Variants in MAFF observed in about 807,000 individuals in gnomAD.
MAFF encodes MAF bZIP transcription factor F.
In MAFF, 4 loss-of-function variants were observed where a neutral mutation model predicts 2.7. The ratio of observed to expected loss-of-function variants is 1.48; its 90% CI spans 0.73 to 3.39. MAFF has a LOEUF of 3.39. MAFF is among the 30% of genes most tolerant of loss of function. The pLI, the probability that MAFF is intolerant of heterozygous loss-of-function variation, is 0.01. For synonymous variants in MAFF, 113 were observed against 119.4 expected (o/e 0.95, Z 0.35); for missense variants, 190 against 246.6 (o/e 0.77, Z 1.54).
At chr22:38,203,324 C>T (rs2091028687) in intron 1 of MAFF, 2 of 152,498 alleles carry the variant, frequency 1.3e-5, no homozygotes, top group South Asian at 4.1e-4. Flanking sequence ...CCGGTTTCCG[C>T]TCTCCTGGTA....
chr22:38,210,519 T>C (rs2091090333), intron 1 of MAFF, among the ~76,000 whole-genome samples: 2 of 152,106 alleles, frequency 1.3e-5, no homozygotes, highest in African/African-American at 4.8e-5. Context: ...GCTGGCATTC[T>C]AATCGGGGGG....
chr22:38,214,724 T>C lies in MAFF; in HGVS notation c.341T>C (p.Leu114Pro). The C allele has an allele frequency of 6.7e-7, 1 of 1,497,626 alleles. No individual in the cohort carries two copies. The highest frequency in any genetic ancestry group is 8.9e-7 in the Non-Finnish European group (1 of 1,129,842). 92.8% of individuals were successfully genotyped at this position (1,497,626 alleles called of 1,614,324 possible). ...GCGCTGCGCGGCAAGTGCGAGGCGC[T>C]GCAGGGCTTCGCGCGCTCCGTGGCC... ...LDALRGKCEA[L>P]QGFARSVAAA... The change falls in exon 3 of 3, where the codon CTG becomes CCG. Residue 114 changes from leucine to proline, a missense_variant. Coordinates refer to ENST00000338483, the MANE Select transcript of MAFF (RefSeq NM_012323.4). The surrounding 1 kb of genome is among the most constrained non-coding windows in gnomAD (Gnocchi z 6.3).
At chr22:38,211,256 T>G (rs1354598231) in intron 1 of MAFF, among the ~76,000 whole-genome samples, 4 of 144,010 alleles carry the variant, frequency 2.8e-5, no homozygotes, top group Admixed American at 7.1e-5. Flanking sequence ...TCAGACGGAG[T>G]CTCACTCTCG....
rs57782814 is a variant in MAFF at position 38,213,176 on chromosome 22, C to CAAAA, written c.-31-625_-31-622dup. On this transcript the variant is annotated intron_variant, in intron 1 of 2. Transcript: ENST00000338483. ...TGGGTGACAGAGTGAGACTCTGTCT[C>CAAAA]AAAAAAAAAAAAAAAAAAAAAAAAA... 9.9e-3 allele frequency among the ~76,000 whole-genome samples: 1,127 copies of CAAAA among 113,596 alleles called. 30 individuals carry two copies. The highest frequency in any genetic ancestry group is 0.048 in the East Asian group (173 of 3,580). 74.5% of individuals were successfully genotyped at this position (113,596 alleles called of 152,430 possible). A position where few individuals can be genotyped will look rare whatever the true frequency, so the allele number is the denominator to read the frequency against.
intron 1 of MAFF, among the ~76,000 whole-genome samples, chr22:38,212,506 C>T (rs1272863311): frequency 3.3e-5 from 5 of 152,182 alleles, no homozygotes; most frequent in Non-Finnish European, 5.9e-5. Flanking sequence ...TGACCCTCCA[C>T]GAGTTTTATT....
At chr22:38,207,169 G>A (rs1333399363) in intron 1 of MAFF, among the ~76,000 whole-genome samples, 2 of 152,118 alleles carry the variant, frequency 1.3e-5, no homozygotes, top group Non-Finnish European at 2.9e-5. Context: ...CACCCAGGCT[G>A]GAGTGCAGTC....
At chr22:38,210,888 T>C (rs1316884038) in intron 1 of MAFF, among the ~76,000 whole-genome samples, 1 of 151,970 alleles carries the variant, frequency 6.6e-6, no homozygotes, top group East Asian at 1.9e-4. Flanking sequence ...GATGAAACTC[T>C]GTCTGTACAA....
Position 38,212,932 on chromosome 22 carries a change from C to T in MAFF, c.-31-891C>T, listed in dbSNP as rs561289880. ...TGTCCAGCACTTTGGGAGGCTGAGGCGGGTGGATCACCTGAGGTCAGTAGT... is the reference window on the plus strand; with the variant it reads ...TGTCCAGCACTTTGGGAGGCTGAGGTGGGTGGATCACCTGAGGTCAGTAGT... On this transcript the variant is annotated intron_variant, in intron 1 of 2. Transcript: ENST00000338483. Among the ~76,000 whole-genome samples the T allele has an allele frequency of 3.4e-4, 51 of 152,110 alleles. 1 individual carries two copies. Among genetic ancestry groups the T allele is most frequent in the African/African-American group, 1.1e-3 (47 of 41,490 alleles).
At position 38,214,339 on chromosome 22, in the gene MAFF, G is replaced by A. The variant is rs2146023684; in HGVS notation, c.37-81G>A. ...GTCCACCCACCACCTCGGCGGCTAA[G>A]GCGGTGAAAGAGGAACACCGCGGGT... On this transcript the variant is annotated intron_variant, in intron 2 of 2. Transcript: ENST00000338483. The surrounding 1 kb of genome is among the most constrained non-coding windows in gnomAD (Gnocchi z 6.3). The A allele has an allele frequency of 2.2e-6, 3 of 1,334,868 alleles. No homozygotes were observed. Among genetic ancestry groups the A allele is most frequent in the South Asian group, 1.4e-5 (1 of 69,028 alleles). The allele number at this position is 1,334,868 out of a possible 1,614,324, so 82.7% of individuals were successfully genotyped here.
intron 1 of MAFF, among the ~76,000 whole-genome samples, chr22:38,208,239 G>C (rs532576726): frequency 3.3e-5 from 5 of 152,320 alleles, no homozygotes; most frequent in African/African-American, 1.2e-4. Flanking sequence ...AACCCTGCGA[G>C]GCAGGTATTG....
At chr22:38,209,255 C>T (rs568729354) in intron 1 of MAFF, among the ~76,000 whole-genome samples, 7 of 151,766 alleles carry the variant, frequency 4.6e-5, no homozygotes, top group East Asian at 2.0e-4. Flanking sequence ...TTAGTAGAGA[C>T]GGGGTTTCAC....
chr22:38,213,711 G>A, intron 1 of MAFF, 112 bp from the exon 2 acceptor site: 1 of 792,522 alleles, frequency 1.3e-6, no homozygotes, highest in Non-Finnish European at 2.2e-6. Flanking sequence ...TGGCAGGTAT[G>A]AATCAGTTCT....
rs1445867968 is a variant in MAFF at position 38,213,882 on chromosome 22, C to G, written c.29C>G (p.Ala10Gly). 12 of 1,614,226 alleles carry G rather than the reference C, an allele frequency of 7.4e-6. No homozygotes were observed. Among genetic ancestry groups the G allele is most frequent in the Non-Finnish European group, 9.3e-6 (11 of 1,180,018 alleles). MSVDPLSSK[A>G]LKIKRELSEN... ...TCTGTGGATCCCCTATCCAGCAAAG[C>G]TCTAAAGGTGAGGAGGCAGCCTCTG... The change falls in exon 2 of 3, where the codon GCT (alanine) becomes GGT (glycine). Residue 10 changes from alanine (A) to glycine (G), a missense_variant. Around this residue, in one of 2 missense-constraint regions of MAFF, gnomAD observed 87 missense variants for 143.6 expected, o/e 0.61. Transcript: ENST00000338483.
At position 38,202,567 on chromosome 22, in the gene MAFF, C is replaced by G. The variant is rs1176779297; in HGVS notation, c.-32+355C>G. The G allele has an allele frequency of 1.3e-5, 2 of 151,982 alleles. No individual in the cohort carries two copies. The highest frequency in any genetic ancestry group is 2.1e-4 in the South Asian group (1 of 4,834). The allele number at this position is 151,982 out of a possible 1,614,324, so 9.4% of individuals were successfully genotyped here. ...GACTCGGTGGGAACAGGCCCTGGCC[C>G]GGCGCCCGCGGGCGGTGCGTGCGCG... On this transcript the variant is annotated intron_variant, in intron 1 of 2. Transcript: ENST00000338483. This position sits in a 1 kb window ranked among gnomAD's most constrained non-coding sequence, Gnocchi z 7.4.
chr22:38,213,615 C>T (rs868034661), intron 1 of MAFF: 9 of 662,534 alleles, frequency 1.4e-5, no homozygotes, highest in Middle Eastern at 4.8e-4. Context: ...GGGGCTAGAA[C>T]AGTAAAGAGC....
intron 1 of MAFF, among the ~76,000 whole-genome samples, chr22:38,212,281 G>A (rs753714977): frequency 1.4e-4 from 21 of 152,174 alleles, no homozygotes; most frequent in Non-Finnish European, 2.8e-4. Flanking sequence ...GATTACAGGC[G>A]TGAGCCACCG....
intron 1 of MAFF, among the ~76,000 whole-genome samples, chr22:38,207,113 CTAT>C (rs902671564): frequency 7.9e-5 from 12 of 151,784 alleles, no homozygotes; most frequent in Admixed American, 7.2e-4. Flanking sequence ...GGCCTGAATT[CTAT>C]TATTATTATT....
chr22:38,213,823 G>T lies in MAFF; in HGVS notation c.-31G>T, dbSNP rs369326133. On this transcript the variant is annotated splice_region_variant and 5_prime_UTR_variant, in exon 2 of 3. Coordinates refer to ENST00000338483, the MANE Select transcript of MAFF (RefSeq NM_012323.4). ...GACTTTGACCTCCTTTCTACCCTAGGTCTGCAGCCCAGAGGGCACCTTCTG... is the reference window on the plus strand; with the variant it reads ...GACTTTGACCTCCTTTCTACCCTAGTTCTGCAGCCCAGAGGGCACCTTCTG... The T allele has an allele frequency of 1.2e-5, 20 of 1,611,994 alleles. No homozygotes were observed. The Middle Eastern group carries it at 2.0e-3, about 159-fold the overall frequency.
At position 38,214,852 on chromosome 22, in the gene MAFF, G is replaced by A; in HGVS notation, c.469G>A (p.Ala157Thr). 1.3e-6 allele frequency: 2 copies of A among 1,496,354 alleles called. No homozygotes were observed. Among genetic ancestry groups the A allele is most frequent in the Middle Eastern group, 1.9e-4 (1 of 5,370 alleles). 92.7% of individuals were successfully genotyped at this position (1,496,354 alleles called of 1,614,324 possible). Residue 157 changes from alanine to threonine, a missense_variant, in exon 3 of 3, where the codon GCC becomes ACC. Transcript: ENST00000338483. The surrounding 1 kb of genome is among the most constrained non-coding windows in gnomAD (Gnocchi z 6.3). Reference protein sequence around the residue: ...GSGPAHGPDPAHGPASCS With the variant: ...GSGPAHGPDPTHGPASCS ...TGGCCCCGCCCACGGCCCGGACCCC[G>A]CCCACGGCCCGGCCTCCTGCTCCTA...
Sources: allele counts gnomAD v4.1 joint callset (sites outside exome capture counted in the v4.1 genomes callset), GRCh38; gene constraint gnomAD v4.1.1; regional missense constraint gnomAD v4.1.1; non-coding constraint Gnocchi (gnomAD v3.1); transcripts MANE v1.5; gene names NCBI Gene and HGNC (gene_info 2026-07-23, HGNC 2026-07-21).